The following C11orf91 variants were observed in gnomAD, a reference collection of about 807,000 sequenced individuals.
C11orf91 encodes chromosome 11 open reading frame 91, also known as uncharacterized protein C11orf91.
Under a neutral mutation model 14.3 loss-of-function variants are expected in C11orf91, and 10 were observed. The ratio of observed to expected loss-of-function variants is 0.70; its 90% CI spans 0.43 to 1.18. The LOEUF is 1.18. C11orf91 is among the 50% of genes most tolerant of loss of function. The probability of loss-of-function intolerance (pLI) is 0.00; values close to 1 mark genes in which losing one functional copy is unlikely to be tolerated. For synonymous variants in C11orf91, 141 were observed against 130.6 expected (o/e 1.08, Z -0.54); for missense variants, 236 against 269.0 (o/e 0.88, Z 0.86).
upstream of C11orf91, among the ~76,000 whole-genome samples, chr11:33,702,240 G>A (rs548471015): frequency 6.6e-6 from 1 of 152,300 alleles, no homozygotes; most frequent in South Asian, 2.1e-4. Context: ...ATCTCTTGAG[G>A]CCAAGAGTTT....
Position 33,700,811 on chromosome 11 carries a change from G to A in C11orf91, c.-71C>T. On this transcript the variant is annotated 5_prime_UTR_variant, in exon 1 of 2. Transcript: ENST00000379011. ...GCGCGCTCAGGCCCCGAGTCGCCGG[G>A]GTTTCGAGGTTCCACAAGCCCCGCC... 5 of 1,240,140 alleles carry A rather than the reference G, an allele frequency of 4.0e-6. No individual in the cohort carries two copies. Among genetic ancestry groups the A allele is most frequent in the Non-Finnish European group, 5.1e-6 (5 of 989,718 alleles). The allele number at this position is 1,240,140 out of a possible 1,614,324, so 76.8% of individuals were successfully genotyped here. A position where few individuals can be genotyped will look rare whatever the true frequency, so the allele number is the denominator to read the frequency against.
Position 33,700,263 on chromosome 11 carries a change from C to T in C11orf91, c.478G>A (p.Gly160Ser). ...ELELLTITGD[G>S]FDSQSYTFLK... ...CACGCACAGCTCTGGGAGTCGAAGC[C>T]GTCCCCAGTGATGGTGAGCAACTCC... is the stretch of plus-strand genomic sequence containing the variant. The change falls in exon 1 of 2, where the codon GGC becomes AGC. Residue 160 changes from glycine (G) to serine (S), a missense_variant. By Grantham distance (56) the Gly-to-Ser change is moderately conservative (BLOSUM62 0). Transcript: ENST00000379011. 2.0e-6 allele frequency: 3 copies of T among 1,533,638 alleles called. No individual in the cohort carries two copies. Among genetic ancestry groups the T allele is most frequent in the South Asian group, 1.2e-5 (1 of 84,026 alleles).
chr11:33,702,356 G>C (rs1853142381), upstream of C11orf91, among the ~76,000 whole-genome samples: 1 of 152,140 alleles, frequency 6.6e-6, no homozygotes, highest in East Asian at 1.9e-4. Context: ...AGCTGAAGTG[G>C]GAGGATTTCT....
chr11:33,700,003 G>A (rs1853093806), intron 1 of C11orf91, among the ~76,000 whole-genome samples: 1 of 151,078 alleles, frequency 6.6e-6, no homozygotes, highest in Non-Finnish European at 1.5e-5. Flanking sequence ...GACCCAAAGG[G>A]TTTAGGACGG....
upstream of C11orf91, chr11:33,700,951 C>T: frequency 2.4e-6 from 1 of 417,224 alleles, no homozygotes; most frequent in Non-Finnish European, 4.1e-6. Context: ...CTGGCCGCAC[C>T]CCGCAGTTAG....
upstream of C11orf91, chr11:33,703,794 G>A (rs555361149): frequency 6.6e-6 from 1 of 152,344 alleles, no homozygotes; most frequent in African/African-American, 2.4e-5. Context: ...AGGAGGAGAG[G>A]GGCCAGAAGG....
upstream of C11orf91, chr11:33,702,523 T>C (rs984048819): frequency 6.4e-6 from 1 of 157,294 alleles, no homozygotes; most frequent in Non-Finnish European, 1.4e-5. Flanking sequence ...CATATTTAAC[T>C]TCCCATAATT....
chr11:33,699,855 A>C (rs1853091019), intron 1 of C11orf91, among the ~76,000 whole-genome samples: 1 of 152,212 alleles, frequency 6.6e-6, no homozygotes, highest in Admixed American at 6.5e-5. Context: ...TTTAGGACCG[A>C]ACATTAAAGC....
chr11:33,700,279 G>A lies in C11orf91; in HGVS notation c.462C>T (p.Leu154=). ...AGTCGAAGCCGTCCCCAGTGATGGTGAGCAACTCCAGCTCCTTAATCCGGA... is the reference window on the plus strand; with the variant it reads ...AGTCGAAGCCGTCCCCAGTGATGGTAAGCAACTCCAGCTCCTTAATCCGGA... The part of the protein sequence containing the change: ...LEIRIKELEL[L]TITGDGFDSQ... Residue 154 remains leucine, a synonymous_variant, in exon 1 of 2, where the codon CTC becomes CTT. Transcript: ENST00000379011. The A allele has an allele frequency of 2.6e-6, 4 of 1,534,884 alleles. No individual in the cohort carries two copies. The highest frequency in any genetic ancestry group is 3.5e-6 in the Non-Finnish European group (4 of 1,146,408).
At chr11:33,701,952 A>G (rs754132326), upstream of C11orf91, among the ~76,000 whole-genome samples, 2 of 152,098 alleles carry the variant, frequency 1.3e-5, no homozygotes, top group Non-Finnish European at 2.9e-5. Flanking sequence ...GAACTTGGAC[A>G]CTTTGTCCAA....
chr11:33,700,352 G>C lies in C11orf91; in HGVS notation c.389C>G (p.Pro130Arg). ...ASPLVPCPSTPRLASASHPEE... is the reference protein window; with the variant it reads ...ASPLVPCPSTRRLASASHPEE... Reference sequence around the variant, plus strand: ...CGGGTGGGAGGCAGAGGCGAGCCTGGGGGTCGAGGGGCAGGGGACCAGGGG... The same window carrying C: ...CGGGTGGGAGGCAGAGGCGAGCCTGCGGGTCGAGGGGCAGGGGACCAGGGG... The change falls in exon 1 of 2, where the codon CCC (proline) becomes CGC (arginine). Residue 130 changes from proline (P) to arginine (R), a missense_variant. By Grantham distance (103) the Pro-to-Arg change is moderately radical. Transcript: ENST00000379011. 6.5e-7 allele frequency: 1 copy of C among 1,535,432 alleles called. No individual in the cohort carries two copies. Among genetic ancestry groups the C allele is most frequent in the Non-Finnish European group, 8.7e-7 (1 of 1,146,684 alleles).
chr11:33,704,413 C>G (rs1223163661), upstream of C11orf91: 2 of 152,070 alleles, frequency 1.3e-5, no homozygotes, highest in Non-Finnish European at 2.9e-5. Context: ...CCCCATTAAG[C>G]CCTGGTGGAT....
upstream of C11orf91, chr11:33,705,538 G>C (rs973451385): frequency 1.3e-5 from 2 of 152,224 alleles, no homozygotes; most frequent in Admixed American, 1.3e-4. Flanking sequence ...TTGGAATCTA[G>C]GACTTGCACC....
upstream of C11orf91, chr11:33,702,923 A>C (rs768395480): frequency 6.4e-6 from 1 of 156,690 alleles, no homozygotes; most frequent in Non-Finnish European, 1.4e-5. Flanking sequence ...CTACTTGCTT[A>C]GGTTGGCAAG....
upstream of C11orf91, among the ~76,000 whole-genome samples, chr11:33,701,722 T>A (rs940278674): frequency 6.6e-6 from 1 of 150,794 alleles, no homozygotes; most frequent in Admixed American, 6.6e-5. Context: ...GTTAAATATA[T>A]ATATGCATAT....
At chr11:33,705,098 C>G (rs1853257218), upstream of C11orf91, 1 of 152,156 alleles carries the variant, frequency 6.6e-6, no homozygotes, top group African/African-American at 2.4e-5. Flanking sequence ...ATAGGGAGTA[C>G]AGAGGCCTGG....
At chr11:33,704,865 C>A (rs1261248094), upstream of C11orf91, 1 of 152,568 alleles carries the variant, frequency 6.6e-6, no homozygotes, top group East Asian at 1.9e-4. Flanking sequence ...ATTTAAGGAC[C>A]AAGCTATTCT....
chr11:33,701,229 A>T (rs1853121761), upstream of C11orf91, among the ~76,000 whole-genome samples: 1 of 152,242 alleles, frequency 6.6e-6, no homozygotes, highest in Non-Finnish European at 1.5e-5. Context: ...CACAGCAAAG[A>T]AGTCTGAGAA....
intron 1 of C11orf91, among the ~76,000 whole-genome samples, chr11:33,698,963 A>G (rs994116175): frequency 6.6e-6 from 1 of 151,642 alleles, no homozygotes; most frequent in African/African-American, 2.4e-5. Context: ...GTATTTTAGT[A>G]GAGACAGGGT....
Sources: gnomAD v4.1 joint callset for allele counts (sites outside exome capture counted in the v4.1 genomes callset) on GRCh38, gnomAD v4.1.1 for gene constraint, MANE v1.5 for transcripts, NCBI Gene and HGNC (gene_info 2026-07-23, HGNC 2026-07-21) for gene names.